The following TPRG1 variants were observed in gnomAD, a reference collection of about 807,000 sequenced individuals.
TPRG1 encodes tumor protein p63 regulated 1.
Under a neutral mutation model 29.3 loss-of-function variants are expected in TPRG1, and 29 were observed. The observed-to-expected ratio is 0.99, with a 90% CI of 0.74 to 1.35. The LOEUF is 1.35. Ranked by LOEUF, TPRG1 falls within the 40% of genes most tolerant of loss-of-function variation. The probability of loss-of-function intolerance (pLI) is 0.00; values close to 1 mark genes in which losing one functional copy is unlikely to be tolerated. For synonymous variants in TPRG1, 130 were observed against 116.8 expected (o/e 1.11, Z -0.73); for missense variants, 327 against 335.0 (o/e 0.98, Z 0.19).
chr3:189,047,567 T>G (rs1715056119), intron 4 of TPRG1, among the ~76,000 whole-genome samples: 1 of 152,228 alleles, frequency 6.6e-6, no homozygotes, highest in Non-Finnish European at 1.5e-5. Flanking sequence ...CAATTGACTC[T>G]TCTTTTCATG....
chr3:189,201,675 T>C (rs371492094), intron 1 of TPRG1, among the ~76,000 whole-genome samples: 13 of 151,758 alleles, frequency 8.6e-5, no homozygotes, highest in African/African-American at 3.1e-4. Context: ...TGAAATGGAG[T>C]CTTGCTCCAT....
At chr3:189,165,259 T>G (rs1167337403) in intron 5 of TPRG1, among the ~76,000 whole-genome samples, 1 of 151,834 alleles carries the variant, frequency 6.6e-6, no homozygotes, top group African/African-American at 2.4e-5. Context: ...CACCCTCAAC[T>G]TTGCCTGCCG....
intron 4 of TPRG1, among the ~76,000 whole-genome samples, chr3:189,055,078 A>G (rs1253875623): frequency 1.3e-5 from 2 of 152,212 alleles, no homozygotes; most frequent in Admixed American, 1.3e-4. Flanking sequence ...GCTACCTAGT[A>G]TTTAGTTGTA....
intron 3 of TPRG1, among the ~76,000 whole-genome samples, chr3:189,022,776 G>C (rs906980075): frequency 6.6e-6 from 1 of 152,238 alleles, no homozygotes; most frequent in African/African-American, 2.4e-5. Context: ...CTTCCCGGCT[G>C]CTTTGTTTAC....
chr3:189,058,934 C>T (rs1457073112), intron 4 of TPRG1, among the ~76,000 whole-genome samples: 1 of 152,160 alleles, frequency 6.6e-6, no homozygotes. Context: ...ATCGAGCAAA[C>T]TGAGGAATTT....
chr3:189,047,303 A>G (rs1578239999), intron 4 of TPRG1, among the ~76,000 whole-genome samples: 3 of 152,354 alleles, frequency 2.0e-5, no homozygotes, highest in South Asian at 4.1e-4. Flanking sequence ...AGTTATTTCT[A>G]CAGTATACTA....
At chr3:189,296,435 C>T (rs1228912791) in intron 4 of TPRG1, among the ~76,000 whole-genome samples, 2 of 152,014 alleles carry the variant, frequency 1.3e-5, no homozygotes, top group South Asian at 2.1e-4. Flanking sequence ...AATATACAGA[C>T]GATTACAATT....
intron 4 of TPRG1, among the ~76,000 whole-genome samples, chr3:189,053,527 G>C (rs1477681433): frequency 6.6e-6 from 1 of 152,124 alleles, no homozygotes; most frequent in Admixed American, 6.5e-5. Context: ...CACCATGATT[G>C]CCTAAGTGAC....
At chr3:189,094,694 T>A (rs574523473) in intron 4 of TPRG1, among the ~76,000 whole-genome samples, 1 of 152,326 alleles carries the variant, frequency 6.6e-6, no homozygotes, top group East Asian at 1.9e-4. Context: ...CTGCCACTTG[T>A]ATATTGGCAG....
chr3:189,208,432 T>G (rs146973488), intron 2 of TPRG1, among the ~76,000 whole-genome samples: 4 of 152,130 alleles, frequency 2.6e-5, no homozygotes, highest in Non-Finnish European at 5.9e-5. Context: ...GGAAAAAAAA[T>G]GTATTTCAAC....
chr3:189,314,355 G>A (rs1723154934), intron 5 of TPRG1, among the ~76,000 whole-genome samples: 1 of 152,136 alleles, frequency 6.6e-6, no homozygotes, highest in Admixed American at 6.6e-5. Flanking sequence ...TGGTGGGTCA[G>A]GAAGGTACCC....
chr3:189,065,036 A>G (rs1716347131), intron 4 of TPRG1, among the ~76,000 whole-genome samples: 1 of 152,142 alleles, frequency 6.6e-6, no homozygotes, highest in Non-Finnish European at 1.5e-5. Context: ...AAAAAGTTTG[A>G]AAATTAGCTG....
chr3:189,267,908 G>A (rs1714403260), intron 4 of TPRG1, among the ~76,000 whole-genome samples: 1 of 152,174 alleles, frequency 6.6e-6, no homozygotes, highest in Admixed American at 6.5e-5. Context: ...ATGAATTGGA[G>A]CACTGAGAAA....
intron 5 of TPRG1, among the ~76,000 whole-genome samples, chr3:189,316,414 C>T (rs1360408990): frequency 2.0e-5 from 3 of 152,152 alleles, no homozygotes; most frequent in Non-Finnish European, 2.9e-5. Flanking sequence ...TCCTTCCATA[C>T]ACAGGGAGGC....
intron 4 of TPRG1, among the ~76,000 whole-genome samples, chr3:189,307,081 G>C (rs1282307286): frequency 6.6e-6 from 1 of 152,152 alleles, no homozygotes; most frequent in Non-Finnish European, 1.5e-5. Flanking sequence ...GAAGTGCAGT[G>C]GCATGATCTT....
intron 3 of TPRG1, among the ~76,000 whole-genome samples, chr3:189,220,279 G>GGT (rs141612429): frequency 1.3e-5 from 2 of 150,224 alleles, no homozygotes; most frequent in Non-Finnish European, 3.0e-5. Flanking sequence ...TTTAATTTTT[G>GGT]ATATATATAT....
intron 4 of TPRG1, among the ~76,000 whole-genome samples, chr3:189,149,659 A>C (rs1725685626): frequency 6.6e-6 from 1 of 152,142 alleles, no homozygotes. Flanking sequence ...ATTTCCTCTC[A>C]TTCTTTCTCT....
chr3:189,011,910 C>CATTTGTG (rs1578189025), intron 3 of TPRG1, among the ~76,000 whole-genome samples: 1 of 152,128 alleles, frequency 6.6e-6, no homozygotes, highest in Admixed American at 6.6e-5. Context: ...AATGGGAGTT[C>CATTTGTG]ATTTGTGATT....
intron 4 of TPRG1, among the ~76,000 whole-genome samples, chr3:189,264,835 CA>C (rs1419094173): frequency 6.6e-6 from 1 of 152,140 alleles, no homozygotes; most frequent in African/African-American, 2.4e-5. Context: ...TAAAATCCCA[CA>C]GTATTTTTCT....
Sources: gnomAD v4.1 joint callset for allele counts (sites outside exome capture counted in the v4.1 genomes callset) on GRCh38, gnomAD v4.1.1 for gene constraint, MANE v1.5 for transcripts, NCBI Gene and HGNC (gene_info 2026-07-23, HGNC 2026-07-21) for gene names.